PLXDC2: variants seen among roughly 807,000 people sequenced by gnomAD.
PLXDC2 encodes plexin domain containing 2.
PLXDC2 carries 40 observed loss-of-function variants against 68.9 expected under a neutral mutation model. That is an observed-to-expected ratio of 0.58 (90% confidence interval 0.45 to 0.76). The LOEUF (loss-of-function observed/expected upper bound fraction) is 0.76. PLXDC2 is among the 30% of genes least tolerant of loss of function. The pLI, the probability that PLXDC2 is intolerant of heterozygous loss-of-function variation, is 0.00. For synonymous variants in PLXDC2, 243 were observed against 234.2 expected (o/e 1.04, Z -0.34); for missense variants, 644 against 661.9 (o/e 0.97, Z 0.30).
chr10:20,184,218 C>G (rs1834648393), intron 9 of PLXDC2, among the ~76,000 whole-genome samples: 1 of 151,414 alleles, frequency 6.6e-6, no homozygotes, highest in Admixed American at 6.6e-5. Context: ...CTGTTATTTT[C>G]CATTGAATGA....
At chr10:20,266,269 T>G (rs1354364886) in intron 13 of PLXDC2, among the ~76,000 whole-genome samples, 1 of 151,684 alleles carries the variant, frequency 6.6e-6, no homozygotes, top group Admixed American at 6.6e-5. Flanking sequence ...TAAAAACCAT[T>G]GAAAATTTTG....
intron 4 of PLXDC2, among the ~76,000 whole-genome samples, chr10:20,131,219 A>G (rs1833863473): frequency 1.4e-5 from 2 of 147,266 alleles, no homozygotes; most frequent in African/African-American, 5.0e-5. Flanking sequence ...TCTTTTATCC[A>G]TATTTTCTAT....
intron 1 of PLXDC2, among the ~76,000 whole-genome samples, chr10:19,910,732 C>T (rs986451067): frequency 2.0e-5 from 3 of 151,714 alleles, no homozygotes; most frequent in African/African-American, 4.8e-5. Context: ...TAGTTCAGGC[C>T]GGGTGCAGTG....
At position 20,245,469 on chromosome 10, in the gene PLXDC2, C is replaced by G; in HGVS notation, c.1437C>G (p.His479Gln). Reference sequence around the variant, plus strand: ...TTCTTGTGACAGTCTATATGTATCACCACCCAACATCAGCAGCCAGCATCT... The same window carrying G: ...TTCTTGTGACAGTCTATATGTATCAGCACCCAACATCAGCAGCCAGCATCT... ...TAILVTVYMY[H>Q]HPTSAASIFF... The change falls in exon 13 of 14, where the codon CAC (histidine) becomes CAG (glutamine). Residue 479 changes from histidine (H) to glutamine (Q), a missense_variant. Physicochemically the swap from His to Gln is conservative, Grantham distance 24 (BLOSUM62 0). Around this residue, in one of 3 missense-constraint regions of PLXDC2, gnomAD observed 330 missense variants for 327.9 expected, o/e 1.01. Coordinates refer to ENST00000377252, the MANE Select transcript of PLXDC2 (RefSeq NM_032812.9). The G allele has an allele frequency of 6.2e-7, 1 of 1,612,684 alleles. No individual in the cohort carries two copies. Among genetic ancestry groups the G allele is most frequent in the Non-Finnish European group, 8.5e-7 (1 of 1,179,752 alleles).
intron 1 of PLXDC2, among the ~76,000 whole-genome samples, chr10:19,886,376 A>G (rs898553623): frequency 6.6e-6 from 1 of 152,184 alleles, no homozygotes; most frequent in Non-Finnish European, 1.5e-5. Flanking sequence ...AAAATCCTCA[A>G]TAAAATACTG....
At chr10:19,893,701 T>A (rs1838006450) in intron 1 of PLXDC2, among the ~76,000 whole-genome samples, 1 of 152,218 alleles carries the variant, frequency 6.6e-6, no homozygotes, top group African/African-American at 2.4e-5. Flanking sequence ...GAAAATAATT[T>A]TGGAGGCAGA....
chr10:20,243,781 G>A (rs187479017), intron 12 of PLXDC2, among the ~76,000 whole-genome samples: 3 of 152,264 alleles, frequency 2.0e-5, no homozygotes, highest in East Asian at 3.9e-4. Context: ...TATTGAGGCC[G>A]GGTGCAAAGG....
At chr10:19,911,039 G>T (rs962943005) in intron 1 of PLXDC2, among the ~76,000 whole-genome samples, 2 of 148,606 alleles carry the variant, frequency 1.3e-5, no homozygotes, top group Non-Finnish European at 3.0e-5. Flanking sequence ...AAACAAAAAA[G>T]AATAGCTTAG....
intron 11 of PLXDC2, among the ~76,000 whole-genome samples, chr10:20,218,290 T>C (rs1014072492): frequency 2.0e-5 from 3 of 151,894 alleles, no homozygotes; most frequent in African/African-American, 7.2e-5. Flanking sequence ...TACTTGTTTA[T>C]TGTTATAAGC....
At chr10:20,096,559 A>C (rs2131735074) in intron 4 of PLXDC2, among the ~76,000 whole-genome samples, 1 of 152,276 alleles carries the variant, frequency 6.6e-6, no homozygotes, top group South Asian at 2.1e-4. Flanking sequence ...GTGGAAGAGA[A>C]GAAAGAGGAC....
At position 20,288,789 on chromosome 10, in the gene PLXDC2, G is replaced by A. The variant is rs1260229400; in HGVS notation, c.*8970G>A. 2 of 152,064 alleles carry A rather than the reference G, an allele frequency of 1.3e-5. No individual in the cohort carries two copies. Among genetic ancestry groups the A allele is most frequent in the African/African-American group, 4.8e-5 (2 of 41,396 alleles). 9.4% of individuals were successfully genotyped at this position (152,064 alleles called of 1,614,324 possible). ...TGGGAAATCTGATTTTTTTCCCCTAGTAATAGTTTGATAAGAAATTTAGTG... is the reference window on the plus strand; with the variant it reads ...TGGGAAATCTGATTTTTTTCCCCTAATAATAGTTTGATAAGAAATTTAGTG... On this transcript the variant is annotated 3_prime_UTR_variant, in exon 14 of 14. Coordinates refer to ENST00000377252, the MANE Select transcript of PLXDC2 (RefSeq NM_032812.9).
At chr10:19,937,544 G>GTA (rs71388881) in intron 1 of PLXDC2, among the ~76,000 whole-genome samples, 4,118 of 95,586 alleles carry the variant, frequency 0.043, 168 homozygotes, top group East Asian at 0.099. Flanking sequence ...TATAGTCAAT[G>GTA]TATATATATA....
At chr10:20,013,509 T>C (rs1835152186) in intron 2 of PLXDC2, among the ~76,000 whole-genome samples, 1 of 152,208 alleles carries the variant, frequency 6.6e-6, no homozygotes, top group South Asian at 2.1e-4. Context: ...GTTTTTTTCC[T>C]AAGAACATTT....
intron 12 of PLXDC2, among the ~76,000 whole-genome samples, chr10:20,224,893 C>G (rs1445939646): frequency 6.6e-6 from 1 of 152,080 alleles, no homozygotes; most frequent in African/African-American, 2.4e-5. Flanking sequence ...CTCCAGGTGA[C>G]AGCATTTTTA....
chr10:19,960,429 C>G (rs978311834), intron 1 of PLXDC2, among the ~76,000 whole-genome samples: 2 of 151,858 alleles, frequency 1.3e-5, no homozygotes, highest in South Asian at 4.2e-4. Flanking sequence ...AAAAACTGGC[C>G]AAATGAAACA....
At chr10:19,847,685 G>T (rs1837035604) in intron 1 of PLXDC2, among the ~76,000 whole-genome samples, 1 of 152,154 alleles carries the variant, frequency 6.6e-6, no homozygotes, top group Admixed American at 6.6e-5. Flanking sequence ...ATGTATTTCA[G>T]CCCAATACTT....
At chr10:19,971,579 G>A (rs1834354169) in intron 1 of PLXDC2, among the ~76,000 whole-genome samples, 1 of 152,208 alleles carries the variant, frequency 6.6e-6, no homozygotes, top group East Asian at 1.9e-4. Context: ...GAAATTCTTG[G>A]ATAAAGACAA....
rs1413590141 is a variant in PLXDC2 at position 19,916,131 on chromosome 10, G to GT, written c.113-85640dup. Among the ~76,000 whole-genome samples, 115 of 124,540 alleles carry GT rather than the reference G, an allele frequency of 9.2e-4. 3 individuals carry two copies. The highest frequency in any genetic ancestry group is 1.4e-3 in the African/African-American group (38 of 27,744). The allele number at this position is 124,540 out of a possible 152,430, so 81.7% of individuals were successfully genotyped here. On this transcript the variant is annotated intron_variant, in intron 1 of 13. Transcript: ENST00000377252. ...AATTATGTGGAGGGAGTTGTGTTTT[G>GT]TTTTGTTTTTTTTTTTTAATGGAGT... is the stretch of plus-strand genomic sequence containing the variant.
chr10:19,845,537 C>A (rs533552497), intron 1 of PLXDC2, among the ~76,000 whole-genome samples: 1 of 152,190 alleles, frequency 6.6e-6, no homozygotes, highest in South Asian at 2.1e-4. Context: ...CAGGTGACCC[C>A]CAAAGTGGAG....
Sources: allele counts gnomAD v4.1 joint callset (sites outside exome capture counted in the v4.1 genomes callset), GRCh38; gene constraint gnomAD v4.1.1; regional missense constraint gnomAD v4.1.1; transcripts MANE v1.5; gene names NCBI Gene and HGNC (gene_info 2026-07-23, HGNC 2026-07-21).